Variants in SMCHD1 observed in about 807,000 individuals in gnomAD.
SMCHD1 encodes the protein structural maintenance of chromosomes flexible hinge domain-containing protein 1.
SMCHD1 carries 78 observed loss-of-function variants against 254.7 expected under a neutral mutation model. That is an observed-to-expected ratio of 0.31 (90% confidence interval 0.26 to 0.37). The LOEUF (loss-of-function observed/expected upper bound fraction) is 0.37. Among genes scored for constraint, SMCHD1 ranks in the 10% least tolerant of loss-of-function variants. The probability of loss-of-function intolerance (pLI) is 1.00; values close to 1 mark genes in which losing one functional copy is unlikely to be tolerated. For synonymous variants in SMCHD1, 766 were observed against 794.9 expected (o/e 0.96, Z 0.61); for missense variants, 1,840 against 2,408.1 (o/e 0.76, Z 4.94).
Position 2,726,456 on chromosome 18 carries a change from A to G in SMCHD1, c.2705A>G (p.Tyr902Cys), listed in dbSNP as rs1229578970. Residue 902 changes from tyrosine (Y) to cysteine (C), a missense_variant, in exon 22 of 48, where the codon TAT becomes TGT. Around this residue, in one of 9 missense-constraint regions of SMCHD1, gnomAD observed 881 missense variants for 1,009.5 expected, o/e 0.87. Transcript: ENST00000320876. ...GPVNSCQGKN[Y>C]NLKVTLPGLK... ...TTTACTGTTTTTTTCCAACAGAATT[A>G]TAATCTGAAGGTTACTCTGCCTGGC... 4 of 1,501,920 alleles carry G rather than the reference A, an allele frequency of 2.7e-6. No homozygotes were observed. The highest frequency in any genetic ancestry group is 2.8e-5 in the African/African-American group (2 of 71,476). The allele number at this position is 1,501,920 out of a possible 1,614,324, so 93.0% of individuals were successfully genotyped here. A position where few individuals can be genotyped will look rare whatever the true frequency, so the allele number is the denominator to read the frequency against.
chr18:2,688,535 A>C, intron 6 of SMCHD1, 27 bp downstream of exon 6: 2 of 1,598,702 alleles, frequency 1.3e-6, no homozygotes, highest in Non-Finnish European at 1.7e-6. Flanking sequence ...CTTATAAATG[A>C]AAGTTGATCA....
At chr18:2,745,699 C>T (rs970789347) in intron 29 of SMCHD1, among the ~76,000 whole-genome samples, 1 of 152,008 alleles carries the variant, frequency 6.6e-6, no homozygotes, top group Non-Finnish European at 1.5e-5. Flanking sequence ...ACATGTTTGT[C>T]TTATATCGTT....
intron 42 of SMCHD1, among the ~76,000 whole-genome samples, chr18:2,776,383 A>G (rs1240190616): frequency 7.0e-6 from 1 of 142,104 alleles, no homozygotes; most frequent in Non-Finnish European, 1.5e-5. Context: ...CAGCATGCCC[A>G]GCTAAATTTT....
At chr18:2,710,985 G>GT (rs1406790068) in intron 17 of SMCHD1, among the ~76,000 whole-genome samples, 4 of 151,552 alleles carry the variant, frequency 2.6e-5, no homozygotes, top group South Asian at 2.1e-4. Flanking sequence ...TGTTTTTTGG[G>GT]GTTTTTTTTG....
intron 20 of SMCHD1, among the ~76,000 whole-genome samples, chr18:2,724,667 G>T (rs151328122): frequency 1.3e-5 from 2 of 152,020 alleles, no homozygotes; most frequent in African/African-American, 4.8e-5. Flanking sequence ...TACATTATAT[G>T]TATTATATCA....
chr18:2,789,207 T>TATA (rs1555656977), intron 45 of SMCHD1, among the ~76,000 whole-genome samples: 1 of 27,104 alleles, frequency 3.7e-5, no homozygotes, highest in Non-Finnish European at 7.5e-5. Context: ...ATTATTATTA[T>TATA]TTTTTTTTTT....
At chr18:2,681,372 C>T (rs1187618691) in intron 5 of SMCHD1, among the ~76,000 whole-genome samples, 4 of 146,458 alleles carry the variant, frequency 2.7e-5, no homozygotes, top group Non-Finnish European at 6.0e-5. Context: ...GAGATTGCGC[C>T]GCTGTACTCC....
rs578007697 is a variant in SMCHD1, at chr18:2,786,215, C to A, written c.5719+1594C>A. Among the ~76,000 whole-genome samples, 65 of 152,014 alleles carry A rather than the reference C, an allele frequency of 4.3e-4. No homozygotes were observed. The Middle Eastern group carries it at 0.014, about 32-fold the overall frequency. On this transcript the variant is annotated intron_variant, in intron 45 of 47. Transcript: ENST00000320876. ...CTTTAGTAGAGATGGGGTTTGAACT[C>A]CTGGCCTTAAGTGATCCACCTTCCT...
intron 3 of SMCHD1, among the ~76,000 whole-genome samples, chr18:2,667,932 T>G (rs900576052): frequency 1.3e-5 from 2 of 152,178 alleles, no homozygotes; most frequent in Non-Finnish European, 2.9e-5. Context: ...CTGGCTGGAG[T>G]GCAGTGGTGT....
At chr18:2,796,331 C>T in intron 46 of SMCHD1, 76 bp from the exon 47 acceptor site, 1 of 961,412 alleles carries the variant, frequency 1.0e-6, no homozygotes, top group Middle Eastern at 2.1e-4. Flanking sequence ...TAAATTATGA[C>T]ATATTCATGT....
At chr18:2,748,380 G>GTATAAATTTTTTTTTTTTTTTTTTA (rs200345949) in intron 30 of SMCHD1, among the ~76,000 whole-genome samples, 1 of 80,278 alleles carries the variant, frequency 1.2e-5, no homozygotes, top group African/African-American at 6.9e-5. Flanking sequence ...GTGTGTGTGT[G>GTATAAATTTTTTTTTTTTTTTTTTA]TGTATATAAA....
intron 45 of SMCHD1, among the ~76,000 whole-genome samples, chr18:2,795,498 C>T (rs1189524869): frequency 1.3e-5 from 2 of 152,178 alleles, no homozygotes; most frequent in African/African-American, 4.8e-5. Flanking sequence ...GTCAGTTACA[C>T]TTACACATCT....
chr18:2,679,261 C>T (rs1472955871), intron 5 of SMCHD1, among the ~76,000 whole-genome samples: 1 of 79,854 alleles, frequency 1.3e-5, no homozygotes, highest in Non-Finnish European at 2.5e-5. Flanking sequence ...AGGCAGATCA[C>T]AAGATCAGGA....
At chr18:2,717,223 A>G (rs1009480554) in intron 17 of SMCHD1, among the ~76,000 whole-genome samples, 2 of 152,192 alleles carry the variant, frequency 1.3e-5, no homozygotes, top group African/African-American at 4.8e-5. Flanking sequence ...AGTGCTTGGT[A>G]GGGCCAAGGA....
intron 30 of SMCHD1, among the ~76,000 whole-genome samples, chr18:2,748,880 G>A (rs961651878): frequency 1.3e-5 from 2 of 152,146 alleles, no homozygotes; most frequent in South Asian, 2.1e-4. Context: ...TAAAGATGAT[G>A]TTTCTCTTGC....
At position 2,758,465 on chromosome 18, in the gene SMCHD1, C is replaced by G. The variant is rs1221759127; in HGVS notation, c.4347-2187C>G. Reference sequence around the variant, plus strand: ...TTTTTGTTGTGAATGTTAAACCTATCAAGGCATCATTTTTATTGCCTACAA... The same window carrying G: ...TTTTTGTTGTGAATGTTAAACCTATGAAGGCATCATTTTTATTGCCTACAA... On this transcript the variant is annotated intron_variant, in intron 34 of 47. Transcript: ENST00000320876. 2.0e-5 allele frequency among the ~76,000 whole-genome samples: 3 copies of G among 152,124 alleles called. No individual in the cohort carries two copies. In the East Asian group the frequency reaches 5.8e-4, roughly 29 times the overall value.
At chr18:2,674,263 T>G (rs1306581067) in intron 5 of SMCHD1, 118 bp downstream of exon 5, 2 of 773,314 alleles carry the variant, frequency 2.6e-6, no homozygotes, top group Non-Finnish European at 3.8e-6. Context: ...ATTCACATAT[T>G]TATTTAGGTT....
rs1234670252 is a variant in SMCHD1, at chr18:2,747,512, T to C, written c.3802-10T>C. On this transcript the variant is annotated splice_polypyrimidine_tract_variant and intron_variant, in intron 29 of 47. Coordinates refer to ENST00000320876, the MANE Select transcript of SMCHD1 (RefSeq NM_015295.3). ...TTTAGTGTTTCTTAAAATATTTCTA[T>C]TCTTTTCAGTCCATTCCAGTGATTA... is the stretch of plus-strand genomic sequence containing the variant. 2 of 1,589,662 alleles carry C rather than the reference T, an allele frequency of 1.3e-6. No homozygotes were observed. The highest frequency in any genetic ancestry group is 1.4e-5 in the African/African-American group (1 of 73,950).
chr18:2,666,370 G>T (rs932037797), intron 2 of SMCHD1, 138 bp downstream of exon 2: 11 of 537,494 alleles, frequency 2.0e-5, no homozygotes, highest in Non-Finnish European at 3.7e-5. Context: ...GAGGAAACTG[G>T]CTGCATGTGC....
Sources: allele counts gnomAD v4.1 joint callset (sites outside exome capture counted in the v4.1 genomes callset), GRCh38; gene constraint gnomAD v4.1.1; regional missense constraint gnomAD v4.1.1; transcripts MANE v1.5; gene names NCBI Gene and HGNC (gene_info 2026-07-23, HGNC 2026-07-21).